Variants in MYRIP observed in about 807,000 individuals in gnomAD.
MYRIP encodes rab effector MyRIP.
Under a neutral mutation model 98.0 loss-of-function variants are expected in MYRIP, and 49 were observed. The ratio of observed to expected loss-of-function variants is 0.50; its 90% CI spans 0.40 to 0.63. MYRIP has a LOEUF of 0.63. MYRIP is among the 30% of genes least tolerant of loss of function. The pLI, the probability that MYRIP is intolerant of heterozygous loss-of-function variation, is 0.00. For missense variants in MYRIP, 1,004 were observed against 1,058.2 expected (o/e 0.95, Z 0.71); for synonymous variants, 404 against 409.5 (o/e 0.99, Z 0.16).
At chr3:40,117,086 C>A (rs557893338) in intron 3 of MYRIP, among the ~76,000 whole-genome samples, 1 of 152,140 alleles carries the variant, frequency 6.6e-6, no homozygotes, top group Non-Finnish European at 1.5e-5. Context: ...CTGGAGCATC[C>A]GGTGAGGCCA....
intron 1 of MYRIP, among the ~76,000 whole-genome samples, chr3:39,871,563 T>G (rs1043290208): frequency 4.6e-5 from 7 of 152,160 alleles, no homozygotes; most frequent in Non-Finnish European, 7.4e-5. Flanking sequence ...TTTAACTGTC[T>G]TTCGACTCAA....
At chr3:40,050,835 G>A (rs1252506440) in intron 3 of MYRIP, among the ~76,000 whole-genome samples, 1 of 152,092 alleles carries the variant, frequency 6.6e-6, no homozygotes, top group Non-Finnish European at 1.5e-5. Context: ...TGACTTTGAG[G>A]GATTCAGAAC....
At chr3:40,061,251 T>C (rs915316828) in intron 3 of MYRIP, among the ~76,000 whole-genome samples, 4 of 152,150 alleles carry the variant, frequency 2.6e-5, no homozygotes, top group African/African-American at 9.7e-5. Context: ...CACCCTCCAG[T>C]AGACCCCAGT....
At chr3:39,978,616 AT>A (rs1945811502) in intron 2 of MYRIP, among the ~76,000 whole-genome samples, 1 of 152,214 alleles carries the variant, frequency 6.6e-6, no homozygotes, top group Non-Finnish European at 1.5e-5. Flanking sequence ...CTTCCCCGAA[AT>A]TTGGCACAAG....
chr3:39,878,938 C>T (rs750614873), intron 1 of MYRIP, among the ~76,000 whole-genome samples: 99 of 151,464 alleles, frequency 6.5e-4, no homozygotes, highest in East Asian at 1.4e-3. Flanking sequence ...TGGTGGCGCA[C>T]GCCTGTAGTC....
chr3:40,094,790 G>C (rs1159908799), intron 3 of MYRIP, among the ~76,000 whole-genome samples: 1 of 152,200 alleles, frequency 6.6e-6, no homozygotes. Flanking sequence ...GGTATGACTG[G>C]ATTCAGAGTT....
chr3:40,136,319 A>C (rs1395893686), intron 3 of MYRIP, among the ~76,000 whole-genome samples: 5 of 152,260 alleles, frequency 3.3e-5, no homozygotes, highest in East Asian at 1.9e-4. Context: ...GGATCAATTC[A>C]ACAAGAAGAA....
chr3:39,972,829 T>C (rs1430783291), intron 2 of MYRIP, among the ~76,000 whole-genome samples: 1 of 151,732 alleles, frequency 6.6e-6, no homozygotes, highest in Non-Finnish European at 1.5e-5. Context: ...CTAGGGTACA[T>C]TGACGGGCTT....
At chr3:39,815,601 G>C (rs1940877222) in intron 1 of MYRIP, among the ~76,000 whole-genome samples, 1 of 152,040 alleles carries the variant, frequency 6.6e-6, no homozygotes, top group Non-Finnish European at 1.5e-5. Context: ...CATCTTTGTT[G>C]GTTTGTAGAT....
At chr3:39,918,136 G>A (rs1013171199) in intron 2 of MYRIP, among the ~76,000 whole-genome samples, 2 of 151,892 alleles carry the variant, frequency 1.3e-5, no homozygotes, top group Non-Finnish European at 2.9e-5. Flanking sequence ...CCGTGGTCTC[G>A]ATCTCCTGAC....
At position 39,930,370 on chromosome 3, in the gene MYRIP, C is replaced by T. The variant is rs189099867; in HGVS notation, c.110+29444C>T. On this transcript the variant is annotated intron_variant, in intron 2 of 16. Transcript: ENST00000302541. ...TTAGAGAAATGTCTGTTCAGATCCT[C>T]TACTCATTTTTATTTGGGTTACTTG... Among the ~76,000 whole-genome samples the T allele has an allele frequency of 1.9e-4, 29 of 151,904 alleles. 1 individual carries two copies. Among genetic ancestry groups the T allele is most frequent in the Admixed American group, 6.6e-4 (10 of 15,242 alleles).
intron 1 of MYRIP, among the ~76,000 whole-genome samples, chr3:39,885,834 G>C (rs1226485382): frequency 6.6e-6 from 1 of 151,974 alleles, no homozygotes; most frequent in Non-Finnish European, 1.5e-5. Flanking sequence ...TCAAGCCTTG[G>C]TTTTCAGCTC....
At chr3:40,177,941 C>T (rs1209386588) in intron 8 of MYRIP, among the ~76,000 whole-genome samples, 3 of 152,112 alleles carry the variant, frequency 2.0e-5, no homozygotes, top group Admixed American at 6.5e-5. Flanking sequence ...TTCCTTCTCT[C>T]TTTTGAATGG....
At chr3:40,027,923 A>G (rs186046347) in intron 2 of MYRIP, among the ~76,000 whole-genome samples, 20 of 152,266 alleles carry the variant, frequency 1.3e-4, no homozygotes, top group Non-Finnish European at 2.2e-4. Context: ...TTTCACAAAC[A>G]TCTTCACTTA....
chr3:40,245,190 A>G (rs938870978), intron 13 of MYRIP, among the ~76,000 whole-genome samples: 2 of 152,232 alleles, frequency 1.3e-5, no homozygotes, highest in Non-Finnish European at 2.9e-5. Context: ...TTCAGAACTG[A>G]TTGACATAGT....
At chr3:39,986,934 T>G (rs1946045314) in intron 2 of MYRIP, among the ~76,000 whole-genome samples, 1 of 152,188 alleles carries the variant, frequency 6.6e-6, no homozygotes, top group East Asian at 1.9e-4. Flanking sequence ...GCTCCCCTTC[T>G]TTTGAGGCTA....
At chr3:40,153,996 TG>T (rs1950168843) in intron 4 of MYRIP, among the ~76,000 whole-genome samples, 1 of 151,854 alleles carries the variant, frequency 6.6e-6, no homozygotes, top group African/African-American at 2.4e-5. Context: ...AAAAATTAGC[TG>T]GGCATGGTGG....
At chr3:39,890,478 CTGT>C (rs938588612) in intron 1 of MYRIP, among the ~76,000 whole-genome samples, 22 of 152,010 alleles carry the variant, frequency 1.4e-4, no homozygotes, top group African/African-American at 5.1e-4. Flanking sequence ...AGATCTTCTC[CTGT>C]TGTTTTACTT....
At chr3:40,062,486 A>G (rs145100667) in intron 3 of MYRIP, among the ~76,000 whole-genome samples, 1 of 152,330 alleles carries the variant, frequency 6.6e-6, no homozygotes, top group East Asian at 1.9e-4. Flanking sequence ...AAAGATTAGT[A>G]TAAATATTGT....
Sources: allele counts gnomAD v4.1 joint callset (sites outside exome capture counted in the v4.1 genomes callset), GRCh38; gene constraint gnomAD v4.1.1; transcripts MANE v1.5; gene names NCBI Gene and HGNC (gene_info 2026-07-23, HGNC 2026-07-21).